ACVR2B: variants seen among roughly 807,000 people sequenced by gnomAD.
The protein encoded by ACVR2B is activin A receptor type 2B.
A neutral mutation model predicts 65.1 loss-of-function variants in ACVR2B; 18 were observed. That is an observed-to-expected ratio of 0.28 (90% CI 0.19 to 0.41). ACVR2B has a LOEUF of 0.41. ACVR2B is among the 10% of genes least tolerant of loss of function. ACVR2B has a pLI of 1.00. For missense variants in ACVR2B, 482 were observed against 682.7 expected (o/e 0.71, Z 3.28); for synonymous variants, 298 against 277.7 (o/e 1.07, Z -0.73).
chr3:38,480,075 A>G (rs1709991188), intron 7 of ACVR2B, among the ~76,000 whole-genome samples: 1 of 152,116 alleles, frequency 6.6e-6, no homozygotes, highest in Non-Finnish European at 1.5e-5. Context: ...TTGGTTGGAG[A>G]GTTGGCTCAG....
rs527396511 is a variant in ACVR2B at position 38,479,232 on chromosome 3, C to T, written c.771C>T (p.Leu257=). 174 of 1,614,170 alleles carry T rather than the reference C, an allele frequency of 1.1e-4. No homozygotes were observed. The South Asian group carries it at 1.7e-3, about 16-fold the overall frequency. The change falls in exon 6 of 11, where the codon CTC becomes CTT. Residue 257 remains leucine, a synonymous_variant. Transcript: ENST00000352511. The part of the protein sequence containing the change: ...FIAAEKRGSN[L]EVELWLITAF... The stretch of plus-strand genomic sequence containing the variant: ...CTGCCGAGAAGCGAGGCTCCAACCT[C>T]GAAGTAGAGCTGTGGCTCATCACGG...
At chr3:38,473,632 G>A (rs1166318263) in intron 1 of ACVR2B, 2 of 152,392 alleles carry the variant, frequency 1.3e-5, no homozygotes, top group East Asian at 1.9e-4. Context: ...GGCATGGTGT[G>A]ACTTGATGGG....
Position 38,483,312 on chromosome 3 carries a change from C to G in ACVR2B, c.1519C>G (p.Pro507Ala), listed in dbSNP as rs200616022. Residue 507 changes from proline to alanine, a missense_variant, in exon 11 of 11, where the codon CCT becomes GCT. Pro to Ala is a conservative substitution (Grantham distance 27). Coordinates refer to ENST00000352511, the MANE Select transcript of ACVR2B (RefSeq NM_001106.4). The surrounding 1 kb of genome is among the most constrained non-coding windows in gnomAD (Gnocchi z 4.8). ...CTCTGTCACCAATGTGGACCTGCCC[C>G]CTAAAGAGTCAAGCATCTAAGCCCA... is the stretch of plus-strand genomic sequence containing the variant. ...VTSVTNVDLP[P>A]KESSI 12 of 1,614,028 alleles carry G rather than the reference C, an allele frequency of 7.4e-6. No homozygotes were observed. Among genetic ancestry groups the G allele is most frequent in the African/African-American group, 2.7e-5 (2 of 74,984 alleles).
chr3:38,455,273 C>G (rs916880675), intron 1 of ACVR2B, among the ~76,000 whole-genome samples: 70 of 152,164 alleles, frequency 4.6e-4, no homozygotes, highest in Admixed American at 1.2e-3. Flanking sequence ...CCCCGGCGGG[C>G]GCGCCGGGAC....
At position 38,477,940 on chromosome 3, in the gene ACVR2B, A is replaced by G. The variant is rs767907680; in HGVS notation, c.340A>G (p.Thr114Ala). The G allele has an allele frequency of 6.2e-7, 1 of 1,613,894 alleles. No individual in the cohort carries two copies. The highest frequency in any genetic ancestry group is 1.1e-5 in the South Asian group (1 of 91,066). Residue 114 changes from threonine (T) to alanine (A), a missense_variant, in exon 3 of 11, where the codon ACT becomes GCT. Thr to Ala is a moderately conservative substitution (Grantham distance 58, BLOSUM62 0). Around this residue, in one of 5 missense-constraint regions of ACVR2B, gnomAD observed 85 missense variants for 137.3 expected, o/e 0.62. Transcript: ENST00000352511. This position sits in a 1 kb window ranked among gnomAD's most constrained non-coding sequence, Gnocchi z 6.7. ...AGGCAACTTCTGCAACGAACGCTTC[A>G]CTCATTTGCCAGAGGCTGGGGGCCC... is the stretch of plus-strand genomic sequence containing the variant. ...CEGNFCNERF[T>A]HLPEAGGPEV...
chr3:38,468,611 C>T (rs147034970), intron 1 of ACVR2B, among the ~76,000 whole-genome samples: 1 of 152,150 alleles, frequency 6.6e-6, no homozygotes, highest in African/African-American at 2.4e-5. Flanking sequence ...TGTCTTTAGA[C>T]TCATTTTTAC....
intron 1 of ACVR2B, among the ~76,000 whole-genome samples, chr3:38,465,732 A>G (rs1457680261): frequency 6.6e-6 from 1 of 152,246 alleles, no homozygotes; most frequent in Non-Finnish European, 1.5e-5. Flanking sequence ...GAAGTAAAGG[A>G]GAGAGAATGA....
intron 1 of ACVR2B, among the ~76,000 whole-genome samples, chr3:38,465,976 C>T (rs1709720473): frequency 6.6e-6 from 1 of 152,138 alleles, no homozygotes; most frequent in Non-Finnish European, 1.5e-5. Context: ...TCAATAGAAA[C>T]AGTGGAAGCC....
chr3:38,477,502 A>T lies in ACVR2B; in HGVS notation c.260+8A>T, dbSNP rs1434243906. ...CTTCAACTGCTACGATAGGTACCCC[A>T]AGACTTGCCCTCCTTTCCTCTTGGA... On this transcript the variant is annotated splice_region_variant and intron_variant, in intron 2 of 10. Transcript: ENST00000352511. The surrounding 1 kb of genome is among the most constrained non-coding windows in gnomAD (Gnocchi z 6.7). 1 of 1,613,206 alleles carries T rather than the reference A, an allele frequency of 6.2e-7. No individual in the cohort carries two copies. The highest frequency in any genetic ancestry group is 1.3e-5 in the African/African-American group (1 of 74,866).
At position 38,488,196 on chromosome 3, in the gene ACVR2B, A is replaced by C. The variant is rs1483715097; in HGVS notation, c.*4864A>C. The C allele has an allele frequency of 6.6e-6, 1 of 152,226 alleles. No homozygotes were observed. The highest frequency in any genetic ancestry group is 1.5e-5 in the Non-Finnish European group (1 of 68,038). 9.4% of individuals were successfully genotyped at this position (152,226 alleles called of 1,614,324 possible). The stretch of plus-strand genomic sequence containing the variant: ...TGAGTTTAAATCTCAATTGACAGTA[A>C]TGTTTTAGATAAACAGGCCCAGTAA... On this transcript the variant is annotated 3_prime_UTR_variant, in exon 11 of 11. Transcript: ENST00000352511.
chr3:38,458,945 G>GT (rs1244508226), intron 1 of ACVR2B, among the ~76,000 whole-genome samples: 1 of 152,078 alleles, frequency 6.6e-6, no homozygotes, highest in Admixed American at 6.5e-5. Context: ...ATATTTAGCA[G>GT]TATCCCCGCC....
At chr3:38,464,347 C>T (rs542525743) in intron 1 of ACVR2B, among the ~76,000 whole-genome samples, 1 of 152,218 alleles carries the variant, frequency 6.6e-6, no homozygotes, top group Non-Finnish European at 1.5e-5. Flanking sequence ...GGTTCCCTTG[C>T]CTTTGGGCAT....
intron 1 of ACVR2B, among the ~76,000 whole-genome samples, chr3:38,457,287 C>A (rs993672541): frequency 6.6e-6 from 1 of 152,182 alleles, no homozygotes; most frequent in Non-Finnish European, 1.5e-5. Context: ...ATTTTGCATT[C>A]CATTTTTGTA....
At position 38,478,458 on chromosome 3, in the gene ACVR2B, C is replaced by T. The variant is rs759549476; in HGVS notation, c.606C>T (p.Gly202=). 1 of 1,614,150 alleles carries T rather than the reference C, an allele frequency of 6.2e-7. No individual in the cohort carries two copies. The highest frequency in any genetic ancestry group is 8.5e-7 in the Non-Finnish European group (1 of 1,180,026). The change falls in exon 5 of 11, where the codon GGC becomes GGT. Residue 202 remains glycine, a synonymous_variant. Coordinates refer to ENST00000352511, the MANE Select transcript of ACVR2B (RefSeq NM_001106.4). ...LLEIKARGRF[G]CVWKAQLMND... ...AGATCAAGGCTCGGGGGCGCTTTGG[C>T]TGTGTCTGGAAGGCCCAGCTCATGA...
At chr3:38,470,426 G>A (rs948559061) in intron 1 of ACVR2B, among the ~76,000 whole-genome samples, 1 of 152,192 alleles carries the variant, frequency 6.6e-6, no homozygotes, top group African/African-American at 2.4e-5. Flanking sequence ...GAGAGCTGAG[G>A]TAAAATAACA....
At chr3:38,479,045 T>C in intron 5 of ACVR2B, 83 bp from the exon 6 acceptor site, 1 of 1,577,212 alleles carries the variant, frequency 6.3e-7, no homozygotes, top group Non-Finnish European at 8.7e-7. Flanking sequence ...GAATGGGGAA[T>C]GGTTGTTCTG....
rs377679317 is a variant in ACVR2B, at chr3:38,477,401, G to A, written c.167G>A (p.Arg56Gln). 5 of 1,614,152 alleles carry A rather than the reference G, an allele frequency of 3.1e-6. No homozygotes were observed. Among genetic ancestry groups the A allele is most frequent in the Non-Finnish European group, 3.4e-6 (4 of 1,180,014 alleles). The change falls in exon 2 of 11, where the codon CGG (arginine) becomes CAG (glutamine). Residue 56 changes from arginine to glutamine, a missense_variant. By Grantham distance (43) the Arg-to-Gln change is conservative. Transcript: ENST00000352511. This position sits in a 1 kb window ranked among gnomAD's most constrained non-coding sequence, Gnocchi z 6.7. ...LERCEGEQDK[R>Q]LHCYASWRNS... ...CGCTGCGAAGGCGAGCAGGACAAGC[G>A]GCTGCACTGCTACGCCTCCTGGCGC...
At position 38,481,249 on chromosome 3, in the gene ACVR2B, G is replaced by GT. The variant is rs1457831102; in HGVS notation, c.960-101dup. On this transcript the variant is annotated intron_variant, in intron 7 of 10. Transcript: ENST00000352511. This position sits in a 1 kb window ranked among gnomAD's most constrained non-coding sequence, Gnocchi z 4.7. The stretch of plus-strand genomic sequence containing the variant: ...ACCCCAGGTAGGGTGGGATGGCCTG[G>GT]TCTGGGGCCTGACTCTAGGGCACAG... 9.9e-7 allele frequency: 1 copy of GT among 1,009,092 alleles called. No homozygotes were observed. Among genetic ancestry groups the GT allele is most frequent in the African/African-American group, 1.6e-5 (1 of 63,342 alleles). The allele number at this position is 1,009,092 out of a possible 1,614,324, so 62.5% of individuals were successfully genotyped here. A position where few individuals can be genotyped will look rare whatever the true frequency, so the allele number is the denominator to read the frequency against.
intron 1 of ACVR2B, among the ~76,000 whole-genome samples, chr3:38,456,937 T>C (rs531638786): frequency 6.6e-6 from 1 of 152,356 alleles, no homozygotes; most frequent in South Asian, 2.1e-4. Context: ...CCTGGCACAG[T>C]GGCTCATGCC....
Sources: gnomAD v4.1 joint callset for allele counts (sites outside exome capture counted in the v4.1 genomes callset) on GRCh38, gnomAD v4.1.1 for gene constraint, gnomAD v4.1.1 regional missense constraint, Gnocchi (gnomAD v3.1) non-coding constraint, MANE v1.5 for transcripts, NCBI Gene and HGNC (gene_info 2026-07-23, HGNC 2026-07-21) for gene names.